TENM3: variants seen among roughly 807,000 people sequenced by gnomAD.
TENM3 encodes teneurin transmembrane protein 3, also known as teneurin-3.
A neutral mutation model predicts 255.1 loss-of-function variants in TENM3; 63 were observed. The observed-to-expected ratio is 0.25, with a 90% CI of 0.20 to 0.30. TENM3 has a LOEUF of 0.30. Among genes scored for constraint, TENM3 ranks in the 10% least tolerant of loss-of-function variants. The probability of loss-of-function intolerance (pLI) is 1.00; values close to 1 mark genes in which losing one functional copy is unlikely to be tolerated. For synonymous variants in TENM3, 1,306 were observed against 1,322.3 expected (o/e 0.99, Z 0.27); for missense variants, 2,929 against 3,461.1 (o/e 0.85, Z 3.86).
chr4:182,354,501 C>T (rs2150727651), intron 3 of TENM3, among the ~76,000 whole-genome samples: 1 of 152,140 alleles, frequency 6.6e-6, no homozygotes, highest in East Asian at 1.9e-4. Context: ...TCCGTGAGCA[C>T]TCAAGTGTCG....
chr4:182,786,948 CTCTTCT>C (rs1466885376), intron 24 of TENM3, among the ~76,000 whole-genome samples: 8 of 152,182 alleles, frequency 5.3e-5, no homozygotes, highest in African/African-American at 1.7e-4. Flanking sequence ...TGTGCAAAAC[CTCTTCT>C]TGAGGCATCC....
the TENM3 span, among the ~76,000 whole-genome samples, chr4:181,451,970 G>A: frequency 1.3e-5 from 2 of 152,104 alleles, no homozygotes; most frequent in Non-Finnish European, 2.9e-5. Flanking sequence ...GCACCTTGGA[G>A]AGGAGAATGA....
the TENM3 span, among the ~76,000 whole-genome samples, chr4:181,751,415 GAAAAAAAA>G: frequency 6.1e-5 from 7 of 114,718 alleles, no homozygotes; most frequent in African/African-American, 1.5e-4. Flanking sequence ...CCTTCCAAAG[GAAAAAAAA>G]AAAAAAAAAA....
the TENM3 span, among the ~76,000 whole-genome samples, chr4:181,545,621 G>A: frequency 1.3e-5 from 2 of 152,026 alleles, no homozygotes; most frequent in African/African-American, 4.8e-5. Context: ...TATGAGACAA[G>A]GTCTAAATTC....
the TENM3 span, among the ~76,000 whole-genome samples, chr4:181,545,585 C>G: frequency 3.9e-5 from 6 of 151,970 alleles, no homozygotes; most frequent in Admixed American, 3.9e-4. Flanking sequence ...CTTTAAGTGA[C>G]AAATCAAGAG....
chr4:182,490,776 T>C (rs1355887347), intron 3 of TENM3, among the ~76,000 whole-genome samples: 3 of 152,144 alleles, frequency 2.0e-5, no homozygotes, highest in Non-Finnish European at 2.9e-5. Flanking sequence ...GTATCAAGCT[T>C]AAACTTGCTA....
chr4:182,175,277 A>G (rs1752388273), intron 1 of TENM3, among the ~76,000 whole-genome samples: 1 of 142,512 alleles, frequency 7.0e-6, no homozygotes, highest in Non-Finnish European at 1.5e-5. Flanking sequence ...TACCTTTGTT[A>G]CCTCAGGCCT....
At chr4:181,585,389 G>A in the TENM3 span, among the ~76,000 whole-genome samples, 2 of 152,056 alleles carry the variant, frequency 1.3e-5, no homozygotes, top group African/African-American at 2.4e-5. Context: ...TACATTCATC[G>A]GTCAGGAAAA....
At chr4:181,731,317 A>G in the TENM3 span, among the ~76,000 whole-genome samples, 2 of 152,154 alleles carry the variant, frequency 1.3e-5, no homozygotes, top group African/African-American at 2.4e-5. Flanking sequence ...ATGCATGAGT[A>G]TATTTTATAA....
chr4:181,641,665 A>AAT, the TENM3 span, among the ~76,000 whole-genome samples: 31 of 102,268 alleles, frequency 3.0e-4, no homozygotes, highest in Middle Eastern at 4.3e-3. Flanking sequence ...TATACCATGG[A>AAT]ATATATATAT....
At chr4:182,479,969 A>G (rs766790407) in intron 3 of TENM3, among the ~76,000 whole-genome samples, 1 of 152,036 alleles carries the variant, frequency 6.6e-6, no homozygotes, top group Non-Finnish European at 1.5e-5. Context: ...GTATTTAGAA[A>G]AGACAAAAGT....
the TENM3 span, among the ~76,000 whole-genome samples, chr4:182,066,599 A>AAAAAAAATAT: frequency 7.3e-6 from 1 of 137,106 alleles, no homozygotes; most frequent in Non-Finnish European, 1.5e-5. Context: ...GTAAAAAAAA[A>AAAAAAAATAT]ATATATATAT....
chr4:181,512,464 A>G, the TENM3 span, among the ~76,000 whole-genome samples: 2 of 152,164 alleles, frequency 1.3e-5, no homozygotes, highest in Non-Finnish European at 2.9e-5. Flanking sequence ...TTTGTTACCT[A>G]AAGTGTGTGT....
chr4:182,174,763 T>C (rs1752347070), intron 1 of TENM3, among the ~76,000 whole-genome samples: 2 of 152,220 alleles, frequency 1.3e-5, no homozygotes, highest in Non-Finnish European at 2.9e-5. Context: ...TGAAAGATGC[T>C]TATTTCACTT....
At chr4:181,968,004 A>G in the TENM3 span, among the ~76,000 whole-genome samples, 5 of 152,216 alleles carry the variant, frequency 3.3e-5, no homozygotes, top group East Asian at 3.9e-4. Context: ...CTTCACAGGA[A>G]CTTCAGTTCT....
chr4:181,522,594 T>C, the TENM3 span: 1 of 449,312 alleles, frequency 2.2e-6, no homozygotes, highest in Admixed American at 3.2e-5. Flanking sequence ...GAGAAATAGA[T>C]AGACAAATCC....
intron 3 of TENM3, among the ~76,000 whole-genome samples, chr4:182,407,437 T>C (rs1193929380): frequency 1.3e-5 from 2 of 152,220 alleles, no homozygotes; most frequent in African/African-American, 4.8e-5. Context: ...TTGAAACCTC[T>C]ATAAAGAAAT....
At position 182,755,813 on chromosome 4, in the gene TENM3, CT is replaced by C. The variant is rs561391518; in HGVS notation, c.4892+555del. Among the ~76,000 whole-genome samples the C allele has an allele frequency of 4.5e-3, 681 of 152,080 alleles. 5 individuals are homozygous for C. Among genetic ancestry groups the C allele is most frequent in the African/African-American group, 0.015 (633 of 41,476 alleles). ...CGAGATCGCGCCACTGCACTCCAGT[CT>C]CTGGGCGACAGAGCGAGACTCCGCC... On this transcript the variant is annotated intron_variant, in intron 22 of 27. Coordinates refer to ENST00000511685, the MANE Select transcript of TENM3 (RefSeq NM_001080477.4).
At chr4:181,948,565 G>A in the TENM3 span, among the ~76,000 whole-genome samples, 6 of 152,138 alleles carry the variant, frequency 3.9e-5, 1 homozygote, top group Middle Eastern at 6.8e-3. Flanking sequence ...ACAGGTGCAC[G>A]CCACCATGCC....
Sources: gnomAD v4.1 joint callset for allele counts (sites outside exome capture counted in the v4.1 genomes callset) on GRCh38, gnomAD v4.1.1 for gene constraint, MANE v1.5 for transcripts, NCBI Gene and HGNC (gene_info 2026-07-23, HGNC 2026-07-21) for gene names.